The following ZDHHC2 variants were observed in gnomAD, a reference collection of about 807,000 sequenced individuals.
The protein encoded by ZDHHC2 is palmitoyltransferase ZDHHC2.
A neutral mutation model predicts 55.6 loss-of-function variants in ZDHHC2; 51 were observed. The observed-to-expected ratio is 0.92, with a 90% confidence interval of 0.73 to 1.16. The LOEUF (loss-of-function observed/expected upper bound fraction) is 1.16. ZDHHC2 is among the 50% of genes most tolerant of loss of function. The probability of loss-of-function intolerance (pLI) is 0.00; values close to 1 mark genes in which losing one functional copy is unlikely to be tolerated. For synonymous variants in ZDHHC2, 199 were observed against 152.9 expected (o/e 1.30, Z -2.22); for missense variants, 491 against 442.4 (o/e 1.11, Z -0.99).
At chr8:17,208,569 C>G (rs1050811726) in intron 8 of ZDHHC2, among the ~76,000 whole-genome samples, 40 of 152,060 alleles carry the variant, frequency 2.6e-4, no homozygotes, top group African/African-American at 9.6e-4. Flanking sequence ...TGCTGATGAT[C>G]ATAAAGGACA....
chr8:17,218,609 C>T (rs1192531015), intron 12 of ZDHHC2, among the ~76,000 whole-genome samples: 6 of 152,078 alleles, frequency 3.9e-5, no homozygotes, highest in African/African-American at 1.4e-4. Flanking sequence ...AGTTTCTCAA[C>T]ATTTGATGGA....
chr8:17,164,114 G>C (rs978122399), intron 1 of ZDHHC2, among the ~76,000 whole-genome samples: 7 of 152,148 alleles, frequency 4.6e-5, no homozygotes, highest in Non-Finnish European at 8.8e-5. Context: ...AACCAGACAT[G>C]ATTGCTTGAG....
chr8:17,220,072 G>A (rs1422549147), intron 12 of ZDHHC2, among the ~76,000 whole-genome samples, 184 bp from the exon 13 acceptor site: 3 of 151,970 alleles, frequency 2.0e-5, no homozygotes, highest in African/African-American at 7.3e-5. Flanking sequence ...TTTCGTATAT[G>A]CATATTAAAG....
At chr8:17,194,698 A>G (rs866771551) in intron 3 of ZDHHC2, among the ~76,000 whole-genome samples, 3 of 152,140 alleles carry the variant, frequency 2.0e-5, no homozygotes, top group Non-Finnish European at 2.9e-5. Context: ...TTCCTTTGCT[A>G]TACACAGCTA....
At chr8:17,206,548 A>G (rs1341115530) in intron 7 of ZDHHC2, among the ~76,000 whole-genome samples, 1 of 152,196 alleles carries the variant, frequency 6.6e-6, no homozygotes, top group Non-Finnish European at 1.5e-5. Context: ...TTTTTTCAGG[A>G]TTTAAAAATA....
At chr8:17,168,755 T>C (rs1206205220) in intron 1 of ZDHHC2, among the ~76,000 whole-genome samples, 1 of 152,144 alleles carries the variant, frequency 6.6e-6, no homozygotes, top group Non-Finnish European at 1.5e-5. Flanking sequence ...ATTTGTCCTT[T>C]TGAATCTAGT....
intron 1 of ZDHHC2, among the ~76,000 whole-genome samples, chr8:17,183,742 A>C (rs1441182778): frequency 1.3e-5 from 2 of 152,140 alleles, no homozygotes; most frequent in Admixed American, 6.6e-5. Flanking sequence ...GTCACAAAGC[A>C]GCCAATTTCA....
At chr8:17,188,918 G>A (rs367592382) in intron 3 of ZDHHC2, among the ~76,000 whole-genome samples, 1 of 151,906 alleles carries the variant, frequency 6.6e-6, no homozygotes, top group South Asian at 2.1e-4. Context: ...GTCATCCTTG[G>A]CTACTCTTTT....
chr8:17,204,883 T>C (rs988658834), intron 6 of ZDHHC2, among the ~76,000 whole-genome samples: 6 of 152,104 alleles, frequency 3.9e-5, no homozygotes, highest in African/African-American at 1.2e-4. Context: ...CCTATAAAAA[T>C]GAATTGTATT....
chr8:17,183,448 C>T (rs139093933), intron 1 of ZDHHC2, among the ~76,000 whole-genome samples: 10 of 152,314 alleles, frequency 6.6e-5, no homozygotes, highest in South Asian at 2.1e-4. Context: ...CTCTGACTAG[C>T]CTCTGACTTA....
chr8:17,188,630 T>C (rs1203896930), intron 3 of ZDHHC2, among the ~76,000 whole-genome samples: 1 of 152,174 alleles, frequency 6.6e-6, no homozygotes, highest in Non-Finnish European at 1.5e-5. Flanking sequence ...TCTTCTTATA[T>C]ACCTGCATTT....
At chr8:17,216,889 C>T (rs1807676333) in intron 11 of ZDHHC2, among the ~76,000 whole-genome samples, 1 of 152,032 alleles carries the variant, frequency 6.6e-6, no homozygotes, top group Non-Finnish European at 1.5e-5. Flanking sequence ...CTGATGTGAG[C>T]AGTGTGGGTC....
intron 12 of ZDHHC2, among the ~76,000 whole-genome samples, chr8:17,218,018 A>T (rs1168130688): frequency 1.3e-5 from 2 of 152,186 alleles, no homozygotes; most frequent in African/African-American, 4.8e-5. Flanking sequence ...TGTAAAACAA[A>T]ATGATTTGCA....
intron 1 of ZDHHC2, among the ~76,000 whole-genome samples, chr8:17,164,567 A>C (rs1213335017): frequency 6.6e-6 from 1 of 152,060 alleles, no homozygotes; most frequent in African/African-American, 2.4e-5. Flanking sequence ...GGTGCAGAGG[A>C]GTTCATCAGC....
At chr8:17,194,352 A>G (rs1306569095) in intron 3 of ZDHHC2, among the ~76,000 whole-genome samples, 3 of 148,374 alleles carry the variant, frequency 2.0e-5, no homozygotes, top group Non-Finnish European at 4.5e-5. Context: ...ATAAATATAT[A>G]TATATACAAA....
chr8:17,189,624 A>G (rs900006214), intron 3 of ZDHHC2, among the ~76,000 whole-genome samples: 4 of 152,206 alleles, frequency 2.6e-5, no homozygotes, highest in South Asian at 2.1e-4. Context: ...TATATATGAC[A>G]TCATTGGCTA....
At chr8:17,194,351 TA>T (rs1241844593) in intron 3 of ZDHHC2, among the ~76,000 whole-genome samples, 6 of 148,266 alleles carry the variant, frequency 4.0e-5, no homozygotes, top group Admixed American at 6.8e-5. Context: ...TATAAATATA[TA>T]TATATACAAA....
At chr8:17,170,532 T>A (rs920016524) in intron 1 of ZDHHC2, among the ~76,000 whole-genome samples, 2 of 152,238 alleles carry the variant, frequency 1.3e-5, no homozygotes, top group African/African-American at 4.8e-5. Context: ...ATGTGTTACG[T>A]GTGCCTGTAC....
chr8:17,196,195 G>A (rs978444591), intron 4 of ZDHHC2, among the ~76,000 whole-genome samples: 3 of 152,008 alleles, frequency 2.0e-5, no homozygotes, highest in Admixed American at 6.6e-5. Context: ...TCTTAAAACT[G>A]ATGTATATGG....
Sources: allele counts gnomAD v4.1 joint callset (sites outside exome capture counted in the v4.1 genomes callset), GRCh38; gene constraint gnomAD v4.1.1; transcripts MANE v1.5; gene names NCBI Gene and HGNC (gene_info 2026-07-23, HGNC 2026-07-21).